USP9X: variants seen among roughly 807,000 people sequenced by gnomAD.
USP9X encodes ubiquitin carboxyl-terminal hydrolase 9X.
USP9X carries 7 observed loss-of-function variants against 190.3 expected under a neutral mutation model. The observed-to-expected ratio is 0.04, with a 90% CI of 0.02 to 0.07. The LOEUF (loss-of-function observed/expected upper bound fraction) is 0.07, where lower values mean the gene tolerates loss of function less well. Among genes scored for constraint, USP9X ranks in the 10% least tolerant of loss-of-function variants. USP9X has a pLI of 1.00. For missense variants in USP9X, 1,010 were observed against 1,916.9 expected (o/e 0.53, Z 8.83); for synonymous variants, 645 against 659.5 (o/e 0.98, Z 0.34).
chrX:41,226,518 G>A (rs945209452), intron 41 of USP9X, among the ~76,000 whole-genome samples: 7 of 112,169 alleles, frequency 6.2e-5, no homozygotes, highest in Non-Finnish European at 1.1e-4. Context: ...AACAAGTTCT[G>A]TAACAACAAA....
intron 15 of USP9X, among the ~76,000 whole-genome samples, chrX:41,164,731 A>G (rs1017044084): frequency 5.3e-5 from 6 of 112,284 alleles, no homozygotes; most frequent in Non-Finnish European, 1.1e-4. Context: ...CAATGGCTTA[A>G]GGTAGCTTGT....
chrX:41,161,328 C>CTTT (rs2062627927), intron 14 of USP9X, among the ~76,000 whole-genome samples: 14 of 58,125 alleles, frequency 2.4e-4, no homozygotes, highest in East Asian at 7.6e-4. Context: ...AGAATTCTTG[C>CTTT]CTTTTTTTTT....
At position 41,225,142 on chromosome X, in the gene USP9X, A is replaced by T; in HGVS notation, c.7061+5A>T. 1 of 1,207,576 alleles carries T rather than the reference A, an allele frequency of 8.3e-7. No individual in the cohort carries two copies. The highest frequency in any genetic ancestry group is 1.1e-6 in the Non-Finnish European group (1 of 892,258). ...GGACTCCTGGCAAACTCACAGGTGG[A>T]TACTCTTTTTGTGACTGGAAACAAT... On this transcript the variant is annotated splice_donor_5th_base_variant and intron_variant, in intron 41 of 44. Transcript: ENST00000378308.
At chrX:41,125,678 A>ACT (rs1353372304) in intron 2 of USP9X, among the ~76,000 whole-genome samples, 40 of 33,865 alleles carry the variant, frequency 1.2e-3, no homozygotes, top group East Asian at 3.1e-3. Context: ...ACACACACAC[A>ACT]CACACACTCT....
rs1288244808 is a variant in USP9X at position 41,233,968 on chromosome X, C to A, written c.*1444C>A. The A allele has an allele frequency of 1.8e-5, 2 of 109,119 alleles. 1 individual carries two copies. The highest frequency in any genetic ancestry group is 3.8e-5 in the Non-Finnish European group (2 of 52,553). The allele number at this position is 109,119 out of a possible 1,213,427, so 9.0% of individuals were successfully genotyped here. ...TATAGAAATTATTTTGCTGAATTCA[C>A]AAATAGAATTTGATTTAAGAAGAAC... On this transcript the variant is annotated 3_prime_UTR_variant, in exon 45 of 45. Transcript: ENST00000378308.
intron 28 of USP9X, 33 bp from the exon 29 acceptor site, chrX:41,197,331 T>TGGGGGGGGG: frequency 1.2e-5 from 6 of 486,734 alleles, no homozygotes; most frequent in Non-Finnish European, 1.2e-5. Context: ...TTTGATTTCT[T>TGGGGGGGGG]CCCCCCCCCA....
intron 1 of USP9X, among the ~76,000 whole-genome samples, chrX:41,097,322 T>C (rs1191582813): frequency 8.9e-6 from 1 of 112,256 alleles, no homozygotes; most frequent in Non-Finnish European, 1.9e-5. Context: ...AATACAGTAA[T>C]AGTGATTTTT....
intron 1 of USP9X, among the ~76,000 whole-genome samples, chrX:41,095,364 G>C (rs1300188501): frequency 3.6e-5 from 4 of 111,799 alleles, no homozygotes; most frequent in African/African-American, 1.3e-4. Flanking sequence ...AGATCAGGCA[G>C]GGTTTTTTAA....
chrX:41,169,248 T>C (rs1040524492), intron 18 of USP9X, among the ~76,000 whole-genome samples: 1 of 110,705 alleles, frequency 9.0e-6, no homozygotes, highest in East Asian at 2.8e-4. Flanking sequence ...GTGGTAGGAT[T>C]ACAGGCATGA....
chrX:41,216,241 G>A lies in USP9X; in HGVS notation c.5674G>A (p.Gly1892Ser), dbSNP rs758529016. ...SYIIQRNGGD[G>S]ERNRWYKFDD... ...CATCATCCAAAGGAATGGTGGAGAT[G>A]GTGAGAGAAATCGCTGGTATAAATT... is the stretch of plus-strand genomic sequence containing the variant. The change falls in exon 35 of 45, where the codon GGT becomes AGT. Residue 1892 changes from glycine (G) to serine (S), a missense_variant. Transcript: ENST00000378308. 8.3e-7 allele frequency: 1 copy of A among 1,211,638 alleles called. No individual in the cohort carries two copies. Among genetic ancestry groups the A allele is most frequent in the South Asian group, 1.8e-5 (1 of 56,963 alleles).
chrX:41,164,346 G>GT (rs113182372), intron 15 of USP9X, among the ~76,000 whole-genome samples: 67 of 103,496 alleles, frequency 6.5e-4, no homozygotes, highest in South Asian at 8.4e-4. Context: ...AAAGTGCATT[G>GT]TTTTTTTTTT....
intron 2 of USP9X, among the ~76,000 whole-genome samples, chrX:41,128,787 A>G (rs2062279998): frequency 8.9e-6 from 1 of 112,121 alleles, no homozygotes; most frequent in South Asian, 3.7e-4. Flanking sequence ...AATGACAAGC[A>G]AAAAAGTTTG....
chrX:41,216,681 G>C, intron 35 of USP9X, 29 bp downstream of exon 35: 1 of 1,159,858 alleles, frequency 8.6e-7, no homozygotes, highest in Non-Finnish European at 1.2e-6. Flanking sequence ...TAGCTTCTTA[G>C]TAATAAAGAA....
intron 1 of USP9X, among the ~76,000 whole-genome samples, chrX:41,106,509 TATTTCTG>T (rs1226496107): frequency 6.6e-5 from 7 of 106,117 alleles, no homozygotes; most frequent in Admixed American, 2.1e-4. Flanking sequence ...ACTGGAAGTA[TATTTCTG>T]AATTAATTTT....
At chrX:41,096,451 T>C (rs2061992151) in intron 1 of USP9X, among the ~76,000 whole-genome samples, 3 of 111,906 alleles carry the variant, frequency 2.7e-5, no homozygotes, top group African/African-American at 9.8e-5. Context: ...TTTTATTTTA[T>C]TGATTTTTTG....
At chrX:41,181,435 CTTTTTT>C (rs200403625) in intron 21 of USP9X, among the ~76,000 whole-genome samples, 2 of 38,572 alleles carry the variant, frequency 5.2e-5, no homozygotes, top group East Asian at 7.0e-4. Context: ...CCACACCTGA[CTTTTTT>C]TTTTTTTTTT....
chrX:41,122,831 G>A (rs2062201827), intron 1 of USP9X, among the ~76,000 whole-genome samples: 1 of 111,051 alleles, frequency 9.0e-6, no homozygotes, highest in Non-Finnish European at 1.9e-5. Flanking sequence ...GGATGGAGTG[G>A]GAAGATGATC....
rs1327273604 is a variant in USP9X at position 41,136,978 on chromosome X, G to A, written c.610G>A (p.Glu204Lys). 1 of 1,211,822 alleles carries A rather than the reference G, an allele frequency of 8.3e-7. No individual in the cohort carries two copies. Among genetic ancestry groups the A allele is most frequent in the Non-Finnish European group, 1.1e-6 (1 of 895,475 alleles). The change falls in exon 6 of 45, where the codon GAA becomes AAA. Residue 204 changes from glutamate (E) to lysine (K), a missense_variant. This residue lies in a region of USP9X where 176 missense variants were observed against 247.5 expected (regional missense o/e 0.71). Coordinates refer to ENST00000378308, the MANE Select transcript of USP9X (RefSeq NM_001039591.3). The stretch of plus-strand genomic sequence containing the variant: ...AGTTTCCTCAAGTGTTCAGTTGCCT[G>A]AAGATGAACTCTTTGCTCGTTCTCC... ...ESVSSSVQLP[E>K]DELFARSPDP... is the part of the protein sequence containing the mutation.
At chrX:41,133,056 TATAA>T (rs1022885488) in intron 4 of USP9X, among the ~76,000 whole-genome samples, 1 of 112,128 alleles carries the variant, frequency 8.9e-6, no homozygotes, top group African/African-American at 3.2e-5. Flanking sequence ...ATGGATGTGT[TATAA>T]CTAACAGTAG....
Sources: allele counts gnomAD v4.1 joint callset (sites outside exome capture counted in the v4.1 genomes callset), GRCh38; gene constraint gnomAD v4.1.1; regional missense constraint gnomAD v4.1.1; transcripts MANE v1.5; gene names NCBI Gene and HGNC (gene_info 2026-07-23, HGNC 2026-07-21).